The following KIF26A variants were observed in gnomAD, a reference collection of about 807,000 sequenced individuals.
The protein encoded by KIF26A is kinesin family member 26A.
A neutral mutation model predicts 126.0 loss-of-function variants in KIF26A; 74 were observed. The observed-to-expected ratio is 0.59, with a 90% CI of 0.49 to 0.71. The LOEUF (loss-of-function observed/expected upper bound fraction) is 0.71, where lower values mean the gene tolerates loss of function less well. KIF26A is among the 30% of genes least tolerant of loss of function. KIF26A has a pLI of 0.00. For missense variants in KIF26A, 2,984 were observed against 2,763.3 expected (o/e 1.08, Z -1.79); for synonymous variants, 1,445 against 1,232.7 (o/e 1.17, Z -3.61).
At position 104,176,042 on chromosome 14, in the gene KIF26A, C is replaced by T; in HGVS notation, c.3254C>T (p.Ala1085Val). 6.3e-7 allele frequency: 1 copy of T among 1,595,624 alleles called. No individual in the cohort carries two copies. Among genetic ancestry groups the T allele is most frequent in the South Asian group, 1.1e-5 (1 of 89,420 alleles). Residue 1085 changes from alanine to valine, a missense_variant, in exon 12 of 15, where the codon GCC becomes GTC. Physicochemically the swap from Ala to Val is moderately conservative, Grantham distance 64 (BLOSUM62 0). Coordinates refer to ENST00000423312, the MANE Select transcript of KIF26A (RefSeq NM_015656.2). ...IISSINDEFD[A>V]YTSQAPEGGP... ...AGCAGCATCAATGATGAGTTTGACG[C>T]CTACACCTCTCAGGCCCCTGAGGGG...
At chr14:104,161,940 G>A (rs1329431732) in intron 4 of KIF26A, among the ~76,000 whole-genome samples, 1 of 152,244 alleles carries the variant, frequency 6.6e-6, no homozygotes, top group Non-Finnish European at 1.5e-5. Flanking sequence ...GGTGTGGGCA[G>A]TGTCTGCTGT....
chr14:104,173,942 C>T (rs1259252070), intron 10 of KIF26A, 74 bp downstream of exon 10: 2 of 1,494,054 alleles, frequency 1.3e-6, no homozygotes, highest in Admixed American at 2.1e-5. Flanking sequence ...TCTGGTGTGC[C>T]CGGTGCTGCT....
intron 2 of KIF26A, among the ~76,000 whole-genome samples, chr14:104,146,286 G>T (rs1170284380): frequency 6.6e-6 from 1 of 152,166 alleles, no homozygotes; most frequent in African/African-American, 2.4e-5. Flanking sequence ...GGCCCAGCTT[G>T]CCTGCTGGGT....
intron 4 of KIF26A, 77 bp from the exon 5 acceptor site, chr14:104,166,782 C>G (rs2037908352): frequency 2.9e-6 from 4 of 1,360,546 alleles, no homozygotes; most frequent in Non-Finnish European, 3.9e-6. Context: ...GGTGGGATCG[C>G]CTGGTGACTC....
chr14:104,170,318 C>T (rs1324885275), intron 5 of KIF26A, among the ~76,000 whole-genome samples: 2 of 152,226 alleles, frequency 1.3e-5, no homozygotes, highest in Non-Finnish European at 2.9e-5. Flanking sequence ...AGAATCGATT[C>T]TTGCCTAATG....
intron 2 of KIF26A, among the ~76,000 whole-genome samples, chr14:104,140,185 AGG>A (rs999764255): frequency 3.3e-5 from 5 of 152,146 alleles, no homozygotes; most frequent in Admixed American, 3.3e-4. Flanking sequence ...GGGGCAGGGC[AGG>A]GTGGGGCAGG....
chr14:104,168,515 C>G (rs1315653550), intron 5 of KIF26A, among the ~76,000 whole-genome samples: 5 of 152,150 alleles, frequency 3.3e-5, no homozygotes, highest in Admixed American at 2.6e-4. Context: ...TCTTCATAGG[C>G]CATGGCGGGT....
At chr14:104,169,144 C>A (rs111849544) in intron 5 of KIF26A, among the ~76,000 whole-genome samples, 1 of 152,180 alleles carries the variant, frequency 6.6e-6, no homozygotes, top group Non-Finnish European at 1.5e-5. Context: ...GCCAGGCTGC[C>A]GCTGCCCTGG....
chr14:104,173,557 T>TCAGCAGAGACCCAGGCACAGGGGC, intron 9 of KIF26A, 44 bp downstream of exon 9: 1 of 1,512,514 alleles, frequency 6.6e-7, no homozygotes, highest in Non-Finnish European at 8.9e-7. Flanking sequence ...GGGATGCGTG[T>TCAGCAGAGACCCAGGCACAGGGGC]CAGCAGAGAC....
At position 104,167,011 on chromosome 14, in the gene KIF26A, C is replaced by A; in HGVS notation, c.1076C>A (p.Ala359Asp). ...PPAPPCLLRA[A>D]SKTKDNPGSI... Reference sequence around the variant, plus strand: ...GCGCCCCCCTGCCTGCTCAGGGCCGCCTCCAAGACCAAGGACAACCCTGGC... The same window carrying A: ...GCGCCCCCCTGCCTGCTCAGGGCCGACTCCAAGACCAAGGACAACCCTGGC... Residue 359 changes from alanine (A) to aspartate (D), a missense_variant, in exon 5 of 15, where the codon GCC becomes GAC. Physicochemically the swap from Ala to Asp is moderately radical, Grantham distance 126 (BLOSUM62 -2). Coordinates refer to ENST00000423312, the MANE Select transcript of KIF26A (RefSeq NM_015656.2). 2 of 1,579,900 alleles carry A rather than the reference C, an allele frequency of 1.3e-6. No homozygotes were observed. The highest frequency in any genetic ancestry group is 3.6e-5 in the Admixed American group (2 of 55,370).
In KIF26A at chr14:104,157,803, T is replaced by C. The variant is rs1193098114; in HGVS notation, c.784T>C (p.Cys262Arg). The C allele has an allele frequency of 2.5e-6, 4 of 1,610,058 alleles. No individual in the cohort carries two copies. Among genetic ancestry groups the C allele is most frequent in the Non-Finnish European group, 3.4e-6 (4 of 1,178,704 alleles). Residue 262 changes from cysteine (C) to arginine (R), a missense_variant, in exon 4 of 15, where the codon TGC becomes CGC. By Grantham distance (180) the Cys-to-Arg change is radical (BLOSUM62 -3). Transcript: ENST00000423312. ...AVAVADTVRE[C>R]PPVAGPDGLS... is the part of the protein sequence containing the mutation. Reference sequence around the variant, plus strand: ...GGCGGTGGCAGACACGGTCCGAGAATGCCCCCCCGTGGCCGGCCCTGATGG... The same window carrying C: ...GGCGGTGGCAGACACGGTCCGAGAACGCCCCCCCGTGGCCGGCCCTGATGG...
At position 104,173,723 on chromosome 14, in the gene KIF26A, C is replaced by T. The variant is rs371588588; in HGVS notation, c.1885C>T (p.Arg629Cys). 31 of 1,611,080 alleles carry T rather than the reference C, an allele frequency of 1.9e-5. No individual in the cohort carries two copies. The highest frequency in any genetic ancestry group is 6.7e-5 in the African/African-American group (5 of 74,890). ...GGTTCCAGTGTCCGGAGGCCGCAGC[C>T]GCCTGCACCTCATCGACCTGGGCAG... ...GRGGMSGGRS[R>C]LHLIDLGSCE... The change falls in exon 10 of 15, where the codon CGC (arginine) becomes TGC (cysteine). Residue 629 changes from arginine (R) to cysteine (C), a missense_variant. Coordinates refer to ENST00000423312, the MANE Select transcript of KIF26A (RefSeq NM_015656.2).
chr14:104,144,003 T>C (rs1557015), intron 2 of KIF26A, among the ~76,000 whole-genome samples: 136,392 of 152,214 alleles, frequency 0.9, 61,491 homozygotes, highest in Non-Finnish European at 0.95. Flanking sequence ...GGAGGGAGCC[T>C]GGGGAAGGGC....
chr14:104,160,091 C>G (rs553183022), intron 4 of KIF26A, among the ~76,000 whole-genome samples: 129 of 152,278 alleles, frequency 8.5e-4, no homozygotes, highest in African/African-American at 2.7e-3. Context: ...TGGGAAGTTT[C>G]CAGTCTGGAG....
At chr14:104,167,105 G>A in intron 5 of KIF26A, 57 bp downstream of exon 5, 1 of 1,430,934 alleles carries the variant, frequency 7.0e-7, no homozygotes, top group Non-Finnish European at 9.2e-7. Context: ...CGTCTGAGAA[G>A]ACGCAGGAGG....
chr14:104,157,251 CA>C (rs1477360530), intron 3 of KIF26A, among the ~76,000 whole-genome samples: 1 of 152,166 alleles, frequency 6.6e-6, no homozygotes, highest in Non-Finnish European at 1.5e-5. Context: ...GGTAGTATTT[CA>C]GATGAGGGAG....
At chr14:104,161,635 C>G (rs1214577509) in intron 4 of KIF26A, among the ~76,000 whole-genome samples, 1 of 152,206 alleles carries the variant, frequency 6.6e-6, no homozygotes, top group African/African-American at 2.4e-5. Flanking sequence ...CTCGTTCATC[C>G]TCGCTCACGC....
At chr14:104,154,395 G>A (rs2037758191) in intron 3 of KIF26A, among the ~76,000 whole-genome samples, 1 of 152,184 alleles carries the variant, frequency 6.6e-6, no homozygotes, top group African/African-American at 2.4e-5. Flanking sequence ...TGGAGGGGTG[G>A]TGGGTGGCCC....
At position 104,157,894 on chromosome 14, in the gene KIF26A, C is replaced by T. The variant is rs774690013; in HGVS notation, c.875C>T (p.Ser292Leu). The T allele has an allele frequency of 1.3e-5, 20 of 1,565,662 alleles. No individual in the cohort carries two copies. Among genetic ancestry groups the T allele is most frequent in the African/African-American group, 4.1e-5 (3 of 72,506 alleles). ...GCCCTGGTCACCCCCACCCCGGGCT[C>T]GGTGGGGGGCTCCACAGGCCCCTCA... ...TSALVTPTPG[S>L]VGGSTGPSAA... The change falls in exon 4 of 15, where the codon TCG (serine) becomes TTG (leucine). Residue 292 changes from serine (S) to leucine (L), a missense_variant. Coordinates refer to ENST00000423312, the MANE Select transcript of KIF26A (RefSeq NM_015656.2).
Sources: gnomAD v4.1 joint callset for allele counts (sites outside exome capture counted in the v4.1 genomes callset) on GRCh38, gnomAD v4.1.1 for gene constraint, MANE v1.5 for transcripts, NCBI Gene and HGNC (gene_info 2026-07-23, HGNC 2026-07-21) for gene names.